PRKG1: variants seen among roughly 807,000 people sequenced by gnomAD.
The protein encoded by PRKG1 is cGMP-dependent protein kinase 1.
Under a neutral mutation model 88.1 loss-of-function variants are expected in PRKG1, and 35 were observed. The ratio of observed to expected loss-of-function variants is 0.40; its 90% CI spans 0.30 to 0.53. The LOEUF is 0.53. Ranked by LOEUF, PRKG1 falls within the 20% of genes least tolerant of loss-of-function variation. The pLI, the probability that PRKG1 is intolerant of heterozygous loss-of-function variation, is 0.59. For missense variants in PRKG1, 540 were observed against 839.8 expected, an observed-to-expected ratio of 0.64 and a Z score of 4.41; for synonymous variants, 303 against 292.5, an observed-to-expected ratio of 1.04 and a Z score of -0.37.
intron 2 of PRKG1, among the ~76,000 whole-genome samples, chr10:51,350,629 G>A (rs902757362): frequency 6.6e-6 from 1 of 152,082 alleles, no homozygotes; most frequent in Non-Finnish European, 1.5e-5. Context: ...AAAGGAAGAA[G>A]TCAAATTATC....
At chr10:51,280,463 G>C (rs1840262422) in intron 2 of PRKG1, among the ~76,000 whole-genome samples, 1 of 152,196 alleles carries the variant, frequency 6.6e-6, no homozygotes, top group Non-Finnish European at 1.5e-5. Flanking sequence ...CCTGCAGACT[G>C]TTTTCCAACT....
chr10:50,996,333 G>A (rs1589096782), intron 1 of PRKG1, among the ~76,000 whole-genome samples: 1 of 152,172 alleles, frequency 6.6e-6, no homozygotes, highest in African/African-American at 2.4e-5. Context: ...GAAGAGTTTA[G>A]AGCCCAAGTA....
At chr10:51,558,335 G>A (rs1313517218) in intron 3 of PRKG1, among the ~76,000 whole-genome samples, 2 of 152,000 alleles carry the variant, frequency 1.3e-5, no homozygotes, top group Non-Finnish European at 2.9e-5. Flanking sequence ...TCTTCACCAG[G>A]AATCAAGAAA....
chr10:51,107,667 C>A (rs1221047521), intron 1 of PRKG1, among the ~76,000 whole-genome samples: 1 of 151,542 alleles, frequency 6.6e-6, no homozygotes, highest in Admixed American at 6.6e-5. Flanking sequence ...CTACAAAAAA[C>A]TGAAAATATA....
At chr10:51,046,577 G>T (rs1843491392) in intron 1 of PRKG1, among the ~76,000 whole-genome samples, 1 of 152,196 alleles carries the variant, frequency 6.6e-6, no homozygotes, top group South Asian at 2.1e-4. Context: ...GTTTGCACAG[G>T]CTTGAGCTGT....
At chr10:52,259,021 C>A (rs1841371860) in intron 10 of PRKG1, among the ~76,000 whole-genome samples, 1 of 151,580 alleles carries the variant, frequency 6.6e-6, no homozygotes, top group Admixed American at 6.6e-5. Flanking sequence ...AAGCAAGTGA[C>A]CAGACTAGAG....
intron 5 of PRKG1, among the ~76,000 whole-genome samples, chr10:51,976,068 C>T (rs567586538): frequency 1.3e-5 from 2 of 152,026 alleles, no homozygotes; most frequent in South Asian, 4.1e-4. Flanking sequence ...CAGTAAGATA[C>T]CAGTTCATAC....
At chr10:51,212,118 A>C (rs1339121050) in intron 2 of PRKG1, among the ~76,000 whole-genome samples, 1 of 152,120 alleles carries the variant, frequency 6.6e-6, no homozygotes, top group Non-Finnish European at 1.5e-5. Context: ...CAAAACAGAG[A>C]TATAGACCAA....
chr10:51,816,339 G>C (rs1839584450), intron 4 of PRKG1, among the ~76,000 whole-genome samples: 1 of 152,034 alleles, frequency 6.6e-6, no homozygotes, highest in South Asian at 2.1e-4. Context: ...AATTTATCAG[G>C]CCAATTTCCT....
intron 4 of PRKG1, among the ~76,000 whole-genome samples, chr10:51,820,460 T>C (rs1839712667): frequency 6.6e-6 from 1 of 152,126 alleles, no homozygotes; most frequent in African/African-American, 2.4e-5. Flanking sequence ...TGAGCACCTG[T>C]TGTGTGGTAG....
In PRKG1 at chr10:52,161,881, T is replaced by C; in HGVS notation, c.1002-8T>C. 6.2e-7 allele frequency: 1 copy of C among 1,612,190 alleles called. No homozygotes were observed. Reference sequence around the variant, plus strand: ...AAGATTAATCACTGTGCTTTTTTCGTCTGACAGCTCTTTTAAACATTTGAT... The same window carrying C: ...AAGATTAATCACTGTGCTTTTTTCGCCTGACAGCTCTTTTAAACATTTGAT... On this transcript the variant is annotated splice_region_variant and splice_polypyrimidine_tract_variant and intron_variant, in intron 8 of 17. Transcript: ENST00000373980.
intron 2 of PRKG1, among the ~76,000 whole-genome samples, chr10:51,422,032 G>A (rs1838430775): frequency 6.6e-6 from 1 of 152,204 alleles, no homozygotes; most frequent in Non-Finnish European, 1.5e-5. Context: ...TATTTATAGA[G>A]TGTTTGCTTA....
intron 5 of PRKG1, among the ~76,000 whole-genome samples, chr10:51,986,684 C>G (rs1844165617): frequency 1.3e-5 from 2 of 152,186 alleles, no homozygotes; most frequent in South Asian, 4.1e-4. Context: ...AGAGCAGACT[C>G]TACCTTGGTA....
At chr10:52,166,841 A>C (rs1487463250) in intron 9 of PRKG1, among the ~76,000 whole-genome samples, 2 of 111,738 alleles carry the variant, frequency 1.8e-5, no homozygotes, top group Admixed American at 1.2e-4. Context: ...ATATATATGT[A>C]TATATATGTC....
In PRKG1 at chr10:51,902,932, G is replaced by T. The variant is rs1313715275; in HGVS notation, c.699-4575G>T. On this transcript the variant is annotated intron_variant, in intron 4 of 17. Transcript: ENST00000373980. ...ACAAAAGGGTCACAGGAAATCCCTG[G>T]GTTCCCAGACCACATTTTGAGAACT... Among the ~76,000 whole-genome samples the T allele has an allele frequency of 3.9e-5, 6 of 152,066 alleles. No homozygotes were observed. In the South Asian group the frequency reaches 6.2e-4, roughly 16 times the overall value.
At chr10:51,402,302 A>ATT (rs1837763260) in intron 2 of PRKG1, among the ~76,000 whole-genome samples, 2 of 152,160 alleles carry the variant, frequency 1.3e-5, no homozygotes, top group African/African-American at 2.4e-5. Context: ...GGCAAAATCT[A>ATT]TTTTCTCCAT....
chr10:51,614,273 T>C (rs905598314), intron 3 of PRKG1, among the ~76,000 whole-genome samples: 1 of 151,988 alleles, frequency 6.6e-6, no homozygotes, highest in African/African-American at 2.4e-5. Context: ...CTGTTTTGCC[T>C]TAAAGTCTGT....
chr10:51,752,056 T>G (rs1837739633), intron 3 of PRKG1, among the ~76,000 whole-genome samples: 1 of 152,234 alleles, frequency 6.6e-6, no homozygotes, highest in Admixed American at 6.5e-5. Context: ...GTGTCTGTTT[T>G]ATTCTGCATT....
intron 3 of PRKG1, among the ~76,000 whole-genome samples, chr10:51,691,041 T>C (rs1841128293): frequency 6.6e-6 from 1 of 150,816 alleles, no homozygotes; most frequent in African/African-American, 2.4e-5. Context: ...ATATATCATA[T>C]TTTATAAATA....
Sources: gnomAD v4.1 joint callset for allele counts (sites outside exome capture counted in the v4.1 genomes callset) on GRCh38, gnomAD v4.1.1 for gene constraint, MANE v1.5 for transcripts, NCBI Gene and HGNC (gene_info 2026-07-23, HGNC 2026-07-21) for gene names.